Variants in DERA observed in about 807,000 individuals in gnomAD.
DERA encodes the protein deoxyribose-phosphate aldolase.
In DERA, 15 loss-of-function variants were observed where a neutral mutation model predicts 41.1. That is an observed-to-expected ratio of 0.37 (90% CI 0.24 to 0.56). The LOEUF (loss-of-function observed/expected upper bound fraction) is 0.56. Among genes scored for constraint, DERA ranks in the 20% least tolerant of loss-of-function variants. The probability of loss-of-function intolerance (pLI) is 0.81; values close to 1 mark genes in which losing one functional copy is unlikely to be tolerated. For missense variants in DERA, 396 were observed against 403.4 expected (o/e 0.98, Z 0.16); for synonymous variants, 139 against 137.4 (o/e 1.01, Z -0.08).
chr12:16,027,460 C>T (rs1005657924), intron 6 of DERA, among the ~76,000 whole-genome samples: 1 of 152,164 alleles, frequency 6.6e-6, no homozygotes, highest in Non-Finnish European at 1.5e-5. Flanking sequence ...GTGAGGTGAT[C>T]ATTCTGGATT....
chr12:16,001,360 C>A lies in DERA; in HGVS notation c.637+18924C>A, dbSNP rs1417250630. Among the ~76,000 whole-genome samples, 1 of 152,072 alleles carries A rather than the reference C, an allele frequency of 6.6e-6. No homozygotes were observed. Among genetic ancestry groups the A allele is most frequent in the East Asian group, 1.9e-4 (1 of 5,192 alleles). On this transcript the variant is annotated intron_variant, in intron 6 of 8. Transcript: ENST00000428559. The surrounding 1 kb of genome is among the most constrained non-coding windows in gnomAD (Gnocchi z 4.1). Reference sequence around the variant, plus strand: ...AATTGAATATACTTTTCAGCTAAACCCACCCCTTTCCACTGGCTGTTTTCT... The same window carrying A: ...AATTGAATATACTTTTCAGCTAAACACACCCCTTTCCACTGGCTGTTTTCT...
intron 5 of DERA, among the ~76,000 whole-genome samples, chr12:15,977,902 T>A (rs1948709357): frequency 6.6e-6 from 1 of 152,218 alleles, no homozygotes; most frequent in African/African-American, 2.4e-5. Context: ...TTAGAGTAAT[T>A]ATTCCTCATG....
At chr12:16,015,683 C>T (rs762353789) in intron 6 of DERA, among the ~76,000 whole-genome samples, 13 of 152,258 alleles carry the variant, frequency 8.5e-5, no homozygotes, top group Middle Eastern at 3.4e-3. Flanking sequence ...AAACCAATGA[C>T]GGGTTACATC....
At position 16,003,309 on chromosome 12, in the gene DERA, G is replaced by A. The variant is rs1220570989; in HGVS notation, c.637+20873G>A. 6.6e-6 allele frequency among the ~76,000 whole-genome samples: 1 copy of A among 152,062 alleles called. No individual in the cohort carries two copies. The highest frequency in any genetic ancestry group is 1.5e-5 in the Non-Finnish European group (1 of 68,026). Reference sequence around the variant, plus strand: ...GTAGGAGCCTACCGTACTCCATTGCGACCTCATATTGACTAATTATATCTG... The same window carrying A: ...GTAGGAGCCTACCGTACTCCATTGCAACCTCATATTGACTAATTATATCTG... On this transcript the variant is annotated intron_variant, in intron 6 of 8. Coordinates refer to ENST00000428559, the MANE Select transcript of DERA (RefSeq NM_015954.4). This position sits in a 1 kb window ranked among gnomAD's most constrained non-coding sequence, Gnocchi z 4.8.
rs1435330564 is a variant in DERA, at chr12:15,990,186, T to C, written c.637+7750T>C. 1.3e-5 allele frequency among the ~76,000 whole-genome samples: 2 copies of C among 152,208 alleles called. No homozygotes were observed. The highest frequency in any genetic ancestry group is 1.3e-4 in the Admixed American group (2 of 15,284). On this transcript the variant is annotated intron_variant, in intron 6 of 8. Coordinates refer to ENST00000428559, the MANE Select transcript of DERA (RefSeq NM_015954.4). The surrounding 1 kb of genome is among the most constrained non-coding windows in gnomAD (Gnocchi z 4.3). ...AAGGCATTATTTAGAGCATAACCCT[T>C]CAAAACCATTTGGTGTAGCTGTAGG...
rs1348406180 is a variant in DERA at position 15,982,467 on chromosome 12, TATTGA to T, written c.637+37_637+41del. 1 of 1,574,434 alleles carries T rather than the reference TATTGA, an allele frequency of 6.4e-7. No homozygotes were observed. Among genetic ancestry groups the T allele is most frequent in the Admixed American group, 1.9e-5 (1 of 51,788 alleles). ...TGTTTTATGTTCAAATAATGTTTTC[TATTGA>T]ATTGATGTTTTTAGGAGAAATTAAG... On this transcript the variant is annotated intron_variant, in intron 6 of 8. Transcript: ENST00000428559. This position sits in a 1 kb window ranked among gnomAD's most constrained non-coding sequence, Gnocchi z 4.0.
At chr12:16,031,664 T>G (rs1369101771) in intron 6 of DERA, among the ~76,000 whole-genome samples, 1 of 152,176 alleles carries the variant, frequency 6.6e-6, no homozygotes, top group African/African-American at 2.4e-5. Context: ...CTAGGTAAGT[T>G]TATTGGAGAC....
At position 15,957,238 on chromosome 12, in the gene DERA, T is replaced by G. The variant is rs1948547137; in HGVS notation, c.129+205T>G. On this transcript the variant is annotated intron_variant, in intron 2 of 8. Coordinates refer to ENST00000428559, the MANE Select transcript of DERA (RefSeq NM_015954.4). The surrounding 1 kb of genome is among the most constrained non-coding windows in gnomAD (Gnocchi z 4.8). ...TCCAAACAAGTTAAAATCTTATCAC[T>G]CTTGAGTGGCAAAACCGCAAATGAA... is the stretch of plus-strand genomic sequence containing the variant. 6.6e-6 allele frequency among the ~76,000 whole-genome samples: 1 copy of G among 152,218 alleles called. No homozygotes were observed. The highest frequency in any genetic ancestry group is 2.1e-4 in the South Asian group (1 of 4,828).
chr12:16,011,764 G>T lies in DERA; in HGVS notation c.638-20778G>T, dbSNP rs1948948162. Among the ~76,000 whole-genome samples the T allele has an allele frequency of 6.6e-6, 1 of 152,160 alleles. No individual in the cohort carries two copies. The highest frequency in any genetic ancestry group is 2.4e-5 in the African/African-American group (1 of 41,434). The stretch of plus-strand genomic sequence containing the variant: ...TTTGGCATGGGTAATTGTATTTACG[G>T]ATAGATGTTTTCATTTTATACTGAG... On this transcript the variant is annotated intron_variant, in intron 6 of 8. Transcript: ENST00000428559. The surrounding 1 kb of genome is among the most constrained non-coding windows in gnomAD (Gnocchi z 4.7).
In DERA at chr12:15,994,072, G is replaced by A. The variant is rs1257066733; in HGVS notation, c.637+11636G>A. On this transcript the variant is annotated intron_variant, in intron 6 of 8. Coordinates refer to ENST00000428559, the MANE Select transcript of DERA (RefSeq NM_015954.4). This position sits in a 1 kb window ranked among gnomAD's most constrained non-coding sequence, Gnocchi z 4.8. Reference sequence around the variant, plus strand: ...TTTATTGTCTGAAATTGTGAAAAATGTAGCCCAACATATTCCAAAATCACA... The same window carrying A: ...TTTATTGTCTGAAATTGTGAAAAATATAGCCCAACATATTCCAAAATCACA... Among the ~76,000 whole-genome samples, 1 of 152,218 alleles carries A rather than the reference G, an allele frequency of 6.6e-6. No homozygotes were observed. Among genetic ancestry groups the A allele is most frequent in the African/African-American group, 2.4e-5 (1 of 41,452 alleles).
In DERA at chr12:15,934,315, G is replaced by A. The variant is rs540098367; in HGVS notation, c.32-22621G>A. Among the ~76,000 whole-genome samples, 8 of 152,232 alleles carry A rather than the reference G, an allele frequency of 5.3e-5. No individual in the cohort carries two copies. The East Asian group carries it at 5.8e-4, about 11-fold the overall frequency. On this transcript the variant is annotated intron_variant, in intron 1 of 8. Coordinates refer to ENST00000428559, the MANE Select transcript of DERA (RefSeq NM_015954.4). ...AGAAGTTTTACAATAGGCCCTGCGC[G>A]GTGGCTCACACCTGTAATCCCAGCA...
At position 16,012,293 on chromosome 12, in the gene DERA, C is replaced by G. The variant is rs1246781798; in HGVS notation, c.638-20249C>G. Among the ~76,000 whole-genome samples, 1 of 152,146 alleles carries G rather than the reference C, an allele frequency of 6.6e-6. No individual in the cohort carries two copies. The highest frequency in any genetic ancestry group is 1.5e-5 in the Non-Finnish European group (1 of 68,030). On this transcript the variant is annotated intron_variant, in intron 6 of 8. Transcript: ENST00000428559. The surrounding 1 kb of genome is among the most constrained non-coding windows in gnomAD (Gnocchi z 4.1). ...TTGAAAACTGAAAGCAAAGCCAGTT[C>G]CAGAACAGGATTAAGGGGCCAGCCA... is the stretch of plus-strand genomic sequence containing the variant.
At position 16,009,176 on chromosome 12, in the gene DERA, C is replaced by T. The variant is rs944913827; in HGVS notation, c.638-23366C>T. ...AGGGAGACTTATTCTGTTCCTCCTC[C>T]TTCTCTTACTGTTGTATGGTTGTCA... On this transcript the variant is annotated intron_variant, in intron 6 of 8. Coordinates refer to ENST00000428559, the MANE Select transcript of DERA (RefSeq NM_015954.4). This position sits in a 1 kb window ranked among gnomAD's most constrained non-coding sequence, Gnocchi z 5.3. Among the ~76,000 whole-genome samples the T allele has an allele frequency of 6.6e-6, 1 of 152,192 alleles. No individual in the cohort carries two copies. The highest frequency in any genetic ancestry group is 2.4e-5 in the African/African-American group (1 of 41,442).
rs1167303201 is a variant in DERA, at chr12:16,008,364, G to T, written c.638-24178G>T. ...CTTTCCTTCCACATTTTATTCAGTT[G>T]GACTCTGACTCCTGTCTGATTTGCC... On this transcript the variant is annotated intron_variant, in intron 6 of 8. Coordinates refer to ENST00000428559, the MANE Select transcript of DERA (RefSeq NM_015954.4). This position sits in a 1 kb window ranked among gnomAD's most constrained non-coding sequence, Gnocchi z 4.8. Among the ~76,000 whole-genome samples, 1 of 152,124 alleles carries T rather than the reference G, an allele frequency of 6.6e-6. No individual in the cohort carries two copies. The highest frequency in any genetic ancestry group is 1.5e-5 in the Non-Finnish European group (1 of 68,030).
rs1592040009 is a variant in DERA, at chr12:15,993,752, T to G, written c.637+11316T>G. Among the ~76,000 whole-genome samples, 2 of 152,074 alleles carry G rather than the reference T, an allele frequency of 1.3e-5. No individual in the cohort carries two copies. The highest frequency in any genetic ancestry group is 4.1e-4 in the South Asian group (2 of 4,822). ...TAAATTCAGGTCCCCAAGCAAAAAT[T>G]TTATAAAGTTTACCCCCACCTGGCC... On this transcript the variant is annotated intron_variant, in intron 6 of 8. Transcript: ENST00000428559. The surrounding 1 kb of genome is among the most constrained non-coding windows in gnomAD (Gnocchi z 4.4).
chr12:15,986,875 A>T (rs1948767532), intron 6 of DERA, among the ~76,000 whole-genome samples: 1 of 152,112 alleles, frequency 6.6e-6, no homozygotes, highest in Admixed American at 6.5e-5. Context: ...GCTGATGATG[A>T]GTTCTTTCTG....
Position 15,943,907 on chromosome 12 carries a change from T to A in DERA, c.32-13029T>A, listed in dbSNP as rs1263718204. Among the ~76,000 whole-genome samples the A allele has an allele frequency of 8.5e-6, 1 of 117,762 alleles. No individual in the cohort carries two copies. Among genetic ancestry groups the A allele is most frequent in the Non-Finnish European group, 1.6e-5 (1 of 60,752 alleles). 77.3% of individuals were successfully genotyped at this position (117,762 alleles called of 152,430 possible). On this transcript the variant is annotated intron_variant, in intron 1 of 8. Coordinates refer to ENST00000428559, the MANE Select transcript of DERA (RefSeq NM_015954.4). This position sits in a 1 kb window ranked among gnomAD's most constrained non-coding sequence, Gnocchi z 4.5. Reference sequence around the variant, plus strand: ...CCCCACCCCACGACAGACCCTGGTGTGTGATGTTCCCCTTCCTGTGTCCAA... The same window carrying A: ...CCCCACCCCACGACAGACCCTGGTGAGTGATGTTCCCCTTCCTGTGTCCAA...
intron 1 of DERA, among the ~76,000 whole-genome samples, chr12:15,917,223 A>G (rs1379588348): frequency 6.6e-6 from 1 of 152,182 alleles, no homozygotes; most frequent in Non-Finnish European, 1.5e-5. Context: ...ACAAAAAACT[A>G]AAACATAAGG....
At chr12:16,023,788 TTA>T (rs1333785497) in intron 6 of DERA, among the ~76,000 whole-genome samples, 1 of 152,132 alleles carries the variant, frequency 6.6e-6, no homozygotes, top group East Asian at 1.9e-4. Flanking sequence ...CAAACAGTCT[TTA>T]TAGAGAAAAC....
Sources: allele counts gnomAD v4.1 joint callset (sites outside exome capture counted in the v4.1 genomes callset), GRCh38; gene constraint gnomAD v4.1.1; non-coding constraint Gnocchi (gnomAD v3.1); transcripts MANE v1.5; gene names NCBI Gene and HGNC (gene_info 2026-07-23, HGNC 2026-07-21).